Variants in SOX6 observed in about 807,000 individuals in gnomAD.
SOX6 encodes transcription factor SOX-6.
SOX6 carries 11 observed loss-of-function variants against 97.8 expected under a neutral mutation model. That is an observed-to-expected ratio of 0.11 (90% CI 0.07 to 0.19). The LOEUF is 0.19. Ranked by LOEUF, SOX6 falls within the 10% of genes least tolerant of loss-of-function variation. SOX6 has a pLI of 1.00. For missense variants in SOX6, 810 were observed against 1,039.5 expected (o/e 0.78, Z 3.04); for synonymous variants, 360 against 371.4 (o/e 0.97, Z 0.35).
chr11:15,990,631 C>A (rs920906901), intron 13 of SOX6, among the ~76,000 whole-genome samples: 1 of 152,068 alleles, frequency 6.6e-6, no homozygotes. Context: ...TATACCAGGG[C>A]GATATACTGA....
intron 13 of SOX6, among the ~76,000 whole-genome samples, chr11:16,009,443 AG>A (rs1263073086): frequency 6.6e-6 from 1 of 152,082 alleles, no homozygotes; most frequent in African/African-American, 2.4e-5. Context: ...AAATATCTGA[AG>A]GGGTGTCAAA....
chr11:16,522,903 A>C (rs1427197692), intron 4 of SOX6, among the ~76,000 whole-genome samples: 1 of 152,234 alleles, frequency 6.6e-6, no homozygotes, highest in Non-Finnish European at 1.5e-5. Flanking sequence ...CATAATGCTA[A>C]AGAGATCAAT....
intron 4 of SOX6, among the ~76,000 whole-genome samples, chr11:16,499,530 T>A (rs1860665449): frequency 6.6e-6 from 1 of 152,120 alleles, no homozygotes; most frequent in Non-Finnish European, 1.5e-5. Flanking sequence ...AGCTGGTTTT[T>A]TGAAAAGATC....
chr11:16,557,053 T>A (rs941496691), intron 4 of SOX6, among the ~76,000 whole-genome samples: 8 of 151,788 alleles, frequency 5.3e-5, no homozygotes, highest in African/African-American at 1.9e-4. Context: ...CAAAATGTGG[T>A]GTTTCCCTTT....
At position 16,132,409 on chromosome 11, in the gene SOX6, G is replaced by GAA. The variant is rs1220417609; in HGVS notation, c.778-20488_778-20487dup. Among the ~76,000 whole-genome samples, 72 of 64,536 alleles carry GAA rather than the reference G, an allele frequency of 1.1e-3. 6 individuals are homozygous for GAA. Among genetic ancestry groups the GAA allele is most frequent in the African/African-American group, 4.0e-3 (65 of 16,076 alleles). 42.3% of individuals were successfully genotyped at this position (64,536 alleles called of 152,430 possible). A position where few individuals can be genotyped will look rare whatever the true frequency, so the allele number is the denominator to read the frequency against. ...AAGAAAGAAAGAAAGAAAAAAGAAAGAAAGAAAGAAAGAAAGAAAGAAAGA... is the reference window on the plus strand; with the variant it reads ...AAGAAAGAAAGAAAGAAAAAAGAAAGAAAAAGAAAGAAAGAAAGAAAGAAAGA... On this transcript the variant is annotated intron_variant, in intron 6 of 15. Transcript: ENST00000683767.
chr11:15,974,087 G>C (rs1191062530), intron 15 of SOX6, among the ~76,000 whole-genome samples: 1 of 152,054 alleles, frequency 6.6e-6, no homozygotes, highest in Non-Finnish European at 1.5e-5. Flanking sequence ...AATCTTTAAT[G>C]GATAGTAAAT....
intron 3 of SOX6, among the ~76,000 whole-genome samples, chr11:16,660,357 G>T (rs1847757129): frequency 6.6e-6 from 1 of 152,028 alleles, no homozygotes; most frequent in Non-Finnish European, 1.5e-5. Flanking sequence ...TTTGACCCAT[G>T]TGTTATTTAT....
intron 3 of SOX6, among the ~76,000 whole-genome samples, chr11:16,709,179 T>C (rs1848158421): frequency 6.6e-6 from 1 of 152,160 alleles, no homozygotes; most frequent in African/African-American, 2.4e-5. Context: ...GTCTTATTGC[T>C]GCCCTCATGA....
At chr11:16,600,499 T>G (rs1245440361) in intron 4 of SOX6, among the ~76,000 whole-genome samples, 1 of 152,130 alleles carries the variant, frequency 6.6e-6, no homozygotes, top group African/African-American at 2.4e-5. Flanking sequence ...CTACCACAGA[T>G]TTGAGGAAAA....
At chr11:16,736,414 T>C (rs1470520450) in exon 2 of SOX6, 5 of 152,226 alleles carry the variant, frequency 3.3e-5, no homozygotes. Context: ...ATGTTACTTT[T>C]TCGTTTGTGA....
chr11:16,012,451 T>C lies in SOX6; in HGVS notation c.1732+2491A>G, dbSNP rs900995591. On this transcript the variant is annotated intron_variant, in intron 13 of 15. Coordinates refer to ENST00000683767, the MANE Select transcript of SOX6 (RefSeq NM_001367873.1). ...CACATGAGGTCTCAATGGCAACTTC[T>C]GGGCAAGCTTCTAAAGGGAGGTTTT... 4.9e-4 allele frequency among the ~76,000 whole-genome samples: 74 copies of C among 152,108 alleles called. 1 individual carries two copies. Among genetic ancestry groups the C allele is most frequent in the African/African-American group, 1.8e-3 (73 of 41,534 alleles).
At chr11:16,554,381 C>G (rs866742752) in intron 4 of SOX6, among the ~76,000 whole-genome samples, 1 of 151,992 alleles carries the variant, frequency 6.6e-6, no homozygotes, top group South Asian at 2.1e-4. Flanking sequence ...TAGGTTTTTT[C>G]CCCTTTCTTT....
At chr11:16,471,749 G>C (rs776146603) in intron 1 of SOX6, among the ~76,000 whole-genome samples, 1 of 152,130 alleles carries the variant, frequency 6.6e-6, no homozygotes, top group Non-Finnish European at 1.5e-5. Context: ...CTTAGTCATA[G>C]TATCCGGCTA....
intron 3 of SOX6, 118 bp downstream of exon 3, chr11:16,318,328 C>A: frequency 9.2e-7 from 1 of 1,089,446 alleles, no homozygotes; most frequent in South Asian, 1.3e-5. Context: ...TAACTTTTTC[C>A]TAGCTAGTGA....
chr11:16,670,369 C>T (rs1310561659), intron 3 of SOX6, among the ~76,000 whole-genome samples: 1 of 152,142 alleles, frequency 6.6e-6, no homozygotes, highest in Non-Finnish European at 1.5e-5. Context: ...CTCATACCAG[C>T]AGTACAGCCA....
At chr11:16,227,683 A>T (rs900117024) in intron 4 of SOX6, among the ~76,000 whole-genome samples, 13 of 152,234 alleles carry the variant, frequency 8.5e-5, no homozygotes, top group Admixed American at 8.5e-4. Flanking sequence ...TAAGTTCTTA[A>T]TTTCCATTTT....
intron 4 of SOX6, among the ~76,000 whole-genome samples, chr11:16,585,479 G>A (rs1190280956): frequency 6.6e-6 from 1 of 152,064 alleles, no homozygotes; most frequent in Admixed American, 6.6e-5. Context: ...GAAAGTGGTG[G>A]AGTATGCTTT....
intron 1 of SOX6, among the ~76,000 whole-genome samples, chr11:16,364,299 A>C (rs559179609): frequency 6.6e-6 from 1 of 152,242 alleles, no homozygotes. Flanking sequence ...TTACAGGATA[A>C]GCCCATTCCA....
intron 3 of SOX6, among the ~76,000 whole-genome samples, chr11:16,640,886 G>T (rs1233897226): frequency 6.6e-6 from 1 of 151,962 alleles, no homozygotes; most frequent in African/African-American, 2.4e-5. Flanking sequence ...GATTTTTTAA[G>T]GGTTTTTTGT....
Sources: gnomAD v4.1 joint callset for allele counts (sites outside exome capture counted in the v4.1 genomes callset) on GRCh38, gnomAD v4.1.1 for gene constraint, MANE v1.5 for transcripts, NCBI Gene and HGNC (gene_info 2026-07-23, HGNC 2026-07-21) for gene names.